PDXDC1: variants seen among roughly 807,000 people sequenced by gnomAD.
PDXDC1 encodes pyridoxal-dependent decarboxylase domain-containing protein 1.
Under a neutral mutation model 100.1 loss-of-function variants are expected in PDXDC1, and 42 were observed. That is an observed-to-expected ratio of 0.42 (90% CI 0.33 to 0.54). PDXDC1 has a LOEUF of 0.54. Among genes scored for constraint, PDXDC1 ranks in the 20% least tolerant of loss-of-function variants. The pLI is 0.10. For missense variants in PDXDC1, 636 were observed against 979.2 expected, an observed-to-expected ratio of 0.65 and a Z score of 4.68; for synonymous variants, 260 against 371.7, an observed-to-expected ratio of 0.70 and a Z score of 3.46.
chr16:15,126,956 T>C lies in PDXDC1; in HGVS notation c.1400-11923T>C, dbSNP rs1209934282. On this transcript the variant is annotated intron_variant, in intron 16 of 16. Transcript: ENST00000535621. ...TACAGGCGTGAGCCACCGTGCCTGGTCCTTTTTAATGTTTTATATAGATGT... is the reference window on the plus strand; with the variant it reads ...TACAGGCGTGAGCCACCGTGCCTGGCCCTTTTTAATGTTTTATATAGATGT... The C allele has an allele frequency of 2.8e-3, 763 of 272,078 alleles. 3 individuals are homozygous for C. The highest frequency in any genetic ancestry group is 0.013 in the African/African-American group (586 of 44,120). The allele number at this position is 272,078 out of a possible 1,614,324, so 16.9% of individuals were successfully genotyped here. A position where few individuals can be genotyped will look rare whatever the true frequency, so the allele number is the denominator to read the frequency against.
chr16:15,094,477 C>T, intron 16 of PDXDC1: 1 of 563,048 alleles, frequency 1.8e-6, no homozygotes, highest in Middle Eastern at 4.7e-4. Context: ...GGACCGGCTC[C>T]ATCCAGCCCT....
intron 16 of PDXDC1, among the ~76,000 whole-genome samples, chr16:15,083,314 G>A (rs374896920): frequency 4.6e-5 from 7 of 152,086 alleles, no homozygotes; most frequent in African/African-American, 1.7e-4. Flanking sequence ...CAGGAGAATC[G>A]CTTGAACCCG....
chr16:15,132,763 C>T, intron 16 of PDXDC1: 1 of 1,168,858 alleles, frequency 8.6e-7, no homozygotes. Flanking sequence ...GGATGTCATC[C>T]ACAGTGTGGA....
downstream of PDXDC1, among the ~76,000 whole-genome samples, chr16:15,141,791 A>AG (rs2048479462): frequency 6.6e-6 from 1 of 152,190 alleles, no homozygotes; most frequent in African/African-American, 2.4e-5. Context: ...GACCAGCAAG[A>AG]GGCCATTCAC....
chr16:15,083,586 T>A (rs779591243), intron 16 of PDXDC1: 1 of 1,597,982 alleles, frequency 6.3e-7, no homozygotes, highest in East Asian at 2.2e-5. Context: ...CGGTGTCCTA[T>A]TTTTAAAAAA....
At chr16:15,070,557 T>C (rs1361678527) in intron 16 of PDXDC1, among the ~76,000 whole-genome samples, 1 of 151,938 alleles carries the variant, frequency 6.6e-6, no homozygotes, top group African/African-American at 2.4e-5. Flanking sequence ...CCTCTTAAGG[T>C]GATTGGCCAA....
At chr16:15,076,576 C>A (rs547477317) in intron 16 of PDXDC1, 49 of 1,611,352 alleles carry the variant, frequency 3.0e-5, no homozygotes, top group Non-Finnish European at 4.2e-5. Flanking sequence ...ACAATCCTTC[C>A]GTGGAATCTG....
intron 16 of PDXDC1, among the ~76,000 whole-genome samples, chr16:15,055,243 A>G (rs1191214665): frequency 2.0e-5 from 3 of 152,190 alleles, no homozygotes; most frequent in African/African-American, 4.8e-5. Context: ...CGTGGACAAG[A>G]GTTCAGAGAT....
chr16:15,060,553 T>C (rs1205956972), intron 16 of PDXDC1: 1 of 153,730 alleles, frequency 6.5e-6, no homozygotes, highest in African/African-American at 2.4e-5. Context: ...ATGGCCATTT[T>C]CACAAGTAAA....
chr16:14,989,516 C>T (rs1970207302), intron 1 of PDXDC1: 5 of 1,612,258 alleles, frequency 3.1e-6, no homozygotes, highest in South Asian at 2.2e-5. Context: ...GCAGCGCGGT[C>T]ACGCGCTCCG....
intron 4 of PDXDC1, 56 bp from the exon 5 acceptor site, chr16:15,004,131 T>A (rs1973767594): frequency 6.6e-7 from 1 of 1,506,606 alleles, no homozygotes; most frequent in African/African-American, 1.4e-5. Context: ...TCTGTGTCTC[T>A]AAGTTCTATG....
At chr16:15,093,202 G>A (rs1406982437) in intron 16 of PDXDC1, among the ~76,000 whole-genome samples, 1 of 152,028 alleles carries the variant, frequency 6.6e-6, no homozygotes, top group African/African-American at 2.4e-5. Flanking sequence ...ACGAGGTTTC[G>A]CACGTTGGCC....
chr16:15,099,638 AAG>A (rs1285086249), intron 16 of PDXDC1, among the ~76,000 whole-genome samples: 1 of 152,000 alleles, frequency 6.6e-6, no homozygotes, highest in African/African-American at 2.4e-5. Flanking sequence ...AAAGAAAATT[AAG>A]ACCCTCCCCC....
At chr16:15,003,098 TAA>T (rs1301657439) in intron 4 of PDXDC1, among the ~76,000 whole-genome samples, 1 of 152,174 alleles carries the variant, frequency 6.6e-6, no homozygotes, top group Non-Finnish European at 1.5e-5. Context: ...TAATTCTATA[TAA>T]AACATTTTAT....
intron 16 of PDXDC1, chr16:15,047,507 G>C: frequency 6.2e-7 from 1 of 1,614,036 alleles, no homozygotes; most frequent in Non-Finnish European, 8.5e-7. Context: ...CCTCAGCTTT[G>C]GTGTCGGTTC....
intron 6 of PDXDC1, among the ~76,000 whole-genome samples, chr16:15,006,957 A>G (rs1258148650): frequency 6.6e-6 from 1 of 152,282 alleles, no homozygotes; most frequent in Non-Finnish European, 1.5e-5. Flanking sequence ...GTGAATATAT[A>G]GTAATTAACT....
At chr16:15,035,615 T>C in intron 22 of PDXDC1, 62 bp downstream of exon 22, 1 of 958,128 alleles carries the variant, frequency 1.0e-6, no homozygotes, top group Non-Finnish European at 1.6e-6. Context: ...GTTACTTGCG[T>C]TTGTTTTCTG....
At chr16:15,063,117 A>G (rs2044782773) in intron 16 of PDXDC1, 1 of 1,105,824 alleles carries the variant, frequency 9.0e-7, no homozygotes. Context: ...CGCACGAACG[A>G]CTTGCCACTT....
chr16:15,041,273 C>G, downstream of PDXDC1: 1 of 664,384 alleles, frequency 1.5e-6, no homozygotes, highest in Non-Finnish European at 2.7e-6. Flanking sequence ...GTTTCCCTAC[C>G]CTGTCCCAAG....
Sources: allele counts gnomAD v4.1 joint callset (sites outside exome capture counted in the v4.1 genomes callset), GRCh38; gene constraint gnomAD v4.1.1; transcripts MANE v1.5; gene names NCBI Gene and HGNC (gene_info 2026-07-23, HGNC 2026-07-21).